Variants in ITGB3BP observed in about 807,000 individuals in gnomAD.
ITGB3BP encodes integrin subunit beta 3 binding protein.
A neutral mutation model predicts 29.1 loss-of-function variants in ITGB3BP; 27 were observed. The ratio of observed to expected loss-of-function variants is 0.93; its 90% CI spans 0.68 to 1.28. ITGB3BP has a LOEUF of 1.28. ITGB3BP is among the 50% of genes most tolerant of loss of function. The pLI is 0.00. For synonymous variants in ITGB3BP, 61 were observed against 61.4 expected (o/e 0.99, Z 0.03); for missense variants, 192 against 200.2 (o/e 0.96, Z 0.25).
At chr1:63,477,613 A>G (rs115746939) in intron 4 of ITGB3BP, among the ~76,000 whole-genome samples, 1,757 of 152,034 alleles carry the variant, frequency 0.012, 28 homozygotes, top group African/African-American at 0.04. Flanking sequence ...TCAGCTACAC[A>G]GGAGGCTGAG....
chr1:63,444,930 G>A (rs186158904), intron 8 of ITGB3BP, among the ~76,000 whole-genome samples: 5 of 152,086 alleles, frequency 3.3e-5, no homozygotes, highest in South Asian at 2.1e-4. Flanking sequence ...TGCCTCATAC[G>A]TTGTTGTGAA....
intron 7 of ITGB3BP, among the ~76,000 whole-genome samples, chr1:63,448,780 T>C (rs1305715166): frequency 6.6e-6 from 1 of 152,164 alleles, no homozygotes. Flanking sequence ...TATTTTTATT[T>C]AATAAAACCT....
At position 63,446,425 on chromosome 1, in the gene ITGB3BP, T is replaced by TAA. The variant is rs1644791802; in HGVS notation, c.*1+380_*1+381insTT. On this transcript the variant is annotated intron_variant, in intron 8 of 8. Coordinates refer to ENST00000271002, the MANE Select transcript of ITGB3BP (RefSeq NM_014288.5). ...TTCCAAATTTAACAGACTAGTTATA[T>TAA]CTTGTTCAGTCAGATGTGTCCTACA... 1.7e-5 allele frequency: 3 copies of TAA among 173,704 alleles called. No homozygotes were observed. The South Asian group carries it at 5.3e-4, about 31-fold the overall frequency. The allele number at this position is 173,704 out of a possible 1,614,324, so 10.8% of individuals were successfully genotyped here.
intron 2 of ITGB3BP, among the ~76,000 whole-genome samples, chr1:63,502,866 G>C (rs1008626117): frequency 1.5e-4 from 23 of 152,088 alleles, no homozygotes; most frequent in Non-Finnish European, 2.9e-4. Context: ...TGGCTGCATA[G>C]TATTCCATGG....
chr1:63,462,413 A>G (rs1645032114), intron 4 of ITGB3BP, among the ~76,000 whole-genome samples: 1 of 152,194 alleles, frequency 6.6e-6, no homozygotes, highest in African/African-American at 2.4e-5. Flanking sequence ...TTGTCTTCAA[A>G]TAAAGATTGT....
At chr1:63,462,596 T>C (rs932985657) in intron 4 of ITGB3BP, among the ~76,000 whole-genome samples, 20 of 152,236 alleles carry the variant, frequency 1.3e-4, no homozygotes, top group African/African-American at 4.6e-4. Context: ...TTTTAAACAG[T>C]TGAAAATAAT....
intron 3 of ITGB3BP, among the ~76,000 whole-genome samples, chr1:63,480,738 G>A (rs1645424450): frequency 6.6e-6 from 1 of 151,992 alleles, no homozygotes; most frequent in African/African-American, 2.4e-5. Context: ...TAAAGCACTA[G>A]TTATTTCTCT....
intron 2 of ITGB3BP, among the ~76,000 whole-genome samples, chr1:63,502,727 G>T (rs1245604347): frequency 2.2e-5 from 3 of 137,516 alleles, no homozygotes; most frequent in Non-Finnish European, 4.5e-5. Context: ...ATGTGTTCTC[G>T]TTGTTCAATT....
At chr1:63,502,467 A>G (rs1033211748) in intron 2 of ITGB3BP, among the ~76,000 whole-genome samples, 3 of 151,580 alleles carry the variant, frequency 2.0e-5, no homozygotes, top group Non-Finnish European at 4.4e-5. Flanking sequence ...ACAGTTCCAC[A>G]AGGCTGGGAA....
intron 4 of ITGB3BP, among the ~76,000 whole-genome samples, chr1:63,472,533 C>T (rs574918885): frequency 4.4e-3 from 649 of 147,364 alleles, no homozygotes; most frequent in Non-Finnish European, 6.4e-3. Context: ...CAAAGGTGGA[C>T]GGTACTGCTG....
At chr1:63,473,682 C>T (rs1252868036) in intron 4 of ITGB3BP, among the ~76,000 whole-genome samples, 3 of 98,106 alleles carry the variant, frequency 3.1e-5, no homozygotes, top group African/African-American at 1.2e-4. Flanking sequence ...GGATCAGCCC[C>T]CTGCCTGGCC....
In ITGB3BP at chr1:63,521,289, CAAT is replaced by C. The variant is rs1646438629; in HGVS notation, c.5+1837_5+1839del. On this transcript the variant is annotated intron_variant, in intron 1 of 8. Coordinates refer to ENST00000271002, the MANE Select transcript of ITGB3BP (RefSeq NM_014288.5). ...AAAAAAAAAACACTTAATTTACTAA[CAAT>C]GATGGAGATTCTCTACTAACATGCC... Among the ~76,000 whole-genome samples the C allele has an allele frequency of 2.6e-5, 4 of 151,234 alleles. No individual in the cohort carries two copies. In the South Asian group the frequency reaches 6.3e-4, roughly 24 times the overall value.
chr1:63,492,610 AC>A (rs1387480779), intron 2 of ITGB3BP, among the ~76,000 whole-genome samples: 2 of 152,192 alleles, frequency 1.3e-5, no homozygotes, highest in African/African-American at 4.8e-5. Context: ...AATTAAGAAT[AC>A]TGGGATTTGA....
rs980691880 is a variant in ITGB3BP, at chr1:63,500,313, G to A, written c.48+8215C>T. On this transcript the variant is annotated intron_variant, in intron 2 of 8. Transcript: ENST00000271002. Reference sequence around the variant, plus strand: ...GAACTGCTTGAACCCAGGAGGCGGAGGTTGCAGTGAGCTGGGATCGCGCCA... The same window carrying A: ...GAACTGCTTGAACCCAGGAGGCGGAAGTTGCAGTGAGCTGGGATCGCGCCA... Among the ~76,000 whole-genome samples the A allele has an allele frequency of 1.2e-4, 18 of 152,140 alleles. 1 individual carries two copies. Among genetic ancestry groups the A allele is most frequent in the African/African-American group, 4.3e-4 (18 of 41,426 alleles).
chr1:63,497,764 G>A (rs1645825080), intron 2 of ITGB3BP, among the ~76,000 whole-genome samples: 1 of 152,154 alleles, frequency 6.6e-6, no homozygotes, highest in Non-Finnish European at 1.5e-5. Context: ...GTACCTGTCT[G>A]TTCTTTTCTT....
intron 1 of ITGB3BP, among the ~76,000 whole-genome samples, chr1:63,511,027 T>A (rs1174771684): frequency 1.3e-5 from 2 of 152,192 alleles, no homozygotes; most frequent in African/African-American, 4.8e-5. Context: ...ACAAAAGTGA[T>A]ATCTATCTGG....
At chr1:63,507,997 A>G (rs1406328953) in intron 2 of ITGB3BP, among the ~76,000 whole-genome samples, 1 of 152,194 alleles carries the variant, frequency 6.6e-6, no homozygotes, top group African/African-American at 2.4e-5. Flanking sequence ...CTACAACTCA[A>G]TTTACAAAAA....
chr1:63,458,694 C>G (rs759327666), intron 4 of ITGB3BP, among the ~76,000 whole-genome samples: 1 of 152,102 alleles, frequency 6.6e-6, no homozygotes, highest in Non-Finnish European at 1.5e-5. Context: ...ACATAGGTCT[C>G]CCTTACCATA....
chr1:63,470,393 A>G (rs7413736), intron 4 of ITGB3BP, among the ~76,000 whole-genome samples: 21,001 of 152,280 alleles, frequency 0.14, 1,569 homozygotes, highest in Middle Eastern at 0.25. Context: ...AGCTCATTCA[A>G]TTGCAGTTAG....
Sources: allele counts gnomAD v4.1 joint callset (sites outside exome capture counted in the v4.1 genomes callset), GRCh38; gene constraint gnomAD v4.1.1; transcripts MANE v1.5; gene names NCBI Gene and HGNC (gene_info 2026-07-23, HGNC 2026-07-21).